Variants in MAPKBP1 observed in about 807,000 individuals in gnomAD.
The protein encoded by MAPKBP1 is mitogen-activated protein kinase binding protein 1, also known as mitogen-activated protein kinase-binding protein 1.
MAPKBP1 carries 71 observed loss-of-function variants against 170.5 expected under a neutral mutation model. The observed-to-expected ratio is 0.42, with a 90% CI of 0.34 to 0.51. The LOEUF is 0.51. MAPKBP1 is among the 20% of genes least tolerant of loss of function. The pLI, the probability that MAPKBP1 is intolerant of heterozygous loss-of-function variation, is 0.06. For synonymous variants in MAPKBP1, 719 were observed against 757.9 expected, an observed-to-expected ratio of 0.95 and a Z score of 0.84; for missense variants, 1,598 against 1,933.0, an observed-to-expected ratio of 0.83 and a Z score of 3.25.
Position 41,816,954 on chromosome 15 carries a change from G to A in MAPKBP1, c.1630G>A (p.Val544Met), listed in dbSNP as rs2152081044. ...GGCGAGCCGGGACCGGCTGATCCAT[G>A]TGCTGGATGCCGGGCGGGAGTACAG... Reference protein sequence around the residue: ...ASASRDRLIHVLDAGREYSLQ... With the variant: ...ASASRDRLIHMLDAGREYSLQ... Residue 544 changes from valine to methionine, a missense_variant, in exon 14 of 31, where the codon GTG becomes ATG. Val to Met is a conservative substitution (Grantham distance 21). Coordinates refer to ENST00000457542, the MANE Select transcript of MAPKBP1 (RefSeq NM_014994.3). The A allele has an allele frequency of 6.2e-7, 1 of 1,612,760 alleles. No homozygotes were observed. Among genetic ancestry groups the A allele is most frequent in the East Asian group, 2.2e-5 (1 of 44,864 alleles).
chr15:41,794,905 C>A (rs1257251854), intron 2 of MAPKBP1, among the ~76,000 whole-genome samples: 2 of 152,138 alleles, frequency 1.3e-5, no homozygotes, highest in Non-Finnish European at 2.9e-5. Context: ...TGGCTCATGC[C>A]TGTGATCCCA....
Position 41,774,985 on chromosome 15 carries a change from G to A in MAPKBP1, c.-109-182G>A, listed in dbSNP as rs1596055587. ...GCGGGCGTGGGCCTGGCATTTCTTC[G>A]TGGCTTAGGATTTTCCCCCCCTTTT... On this transcript the variant is annotated intron_variant, in intron 1 of 30. Coordinates refer to ENST00000457542, the MANE Select transcript of MAPKBP1 (RefSeq NM_014994.3). The A allele has an allele frequency of 1.9e-5, 9 of 481,642 alleles. 1 individual carries two copies. The East Asian group carries it at 2.9e-4, about 16-fold the overall frequency. 29.8% of individuals were successfully genotyped at this position (481,642 alleles called of 1,614,324 possible). A position where few individuals can be genotyped will look rare whatever the true frequency, so the allele number is the denominator to read the frequency against.
chr15:41,776,829 A>G (rs1480134656), intron 2 of MAPKBP1, among the ~76,000 whole-genome samples: 1 of 152,204 alleles, frequency 6.6e-6, no homozygotes, highest in Non-Finnish European at 1.5e-5. Flanking sequence ...AAGACTTCCA[A>G]TATCATCCAT....
chr15:41,781,252 T>C (rs1194933935), intron 2 of MAPKBP1, among the ~76,000 whole-genome samples: 1 of 152,156 alleles, frequency 6.6e-6, no homozygotes, highest in East Asian at 1.9e-4. Context: ...CTTTTTGTTT[T>C]TTCAGTAGAG....
chr15:41,796,521 A>G (rs1340978503), intron 2 of MAPKBP1, among the ~76,000 whole-genome samples: 1 of 152,194 alleles, frequency 6.6e-6, no homozygotes, highest in Non-Finnish European at 1.5e-5. Context: ...GGTTTGAGTT[A>G]AGAACATAAA....
Position 41,817,923 on chromosome 15 carries a change from C to A in MAPKBP1, c.1905-86C>A. On this transcript the variant is annotated intron_variant, in intron 16 of 30. Coordinates refer to ENST00000457542, the MANE Select transcript of MAPKBP1 (RefSeq NM_014994.3). This position sits in a 1 kb window ranked among gnomAD's most constrained non-coding sequence, Gnocchi z 4.2. ...GGGGGTAGCTCCCAGAGAGTGTAGACTGGGAGTGAAAGCTGGCATTTCCAT... is the reference window on the plus strand; with the variant it reads ...GGGGGTAGCTCCCAGAGAGTGTAGAATGGGAGTGAAAGCTGGCATTTCCAT... The A allele has an allele frequency of 6.5e-7, 1 of 1,531,188 alleles. No homozygotes were observed. The allele number at this position is 1,531,188 out of a possible 1,614,324, so 94.9% of individuals were successfully genotyped here. A position where few individuals can be genotyped will look rare whatever the true frequency, so the allele number is the denominator to read the frequency against.
At chr15:41,816,343 C>A in intron 12 of MAPKBP1, 1 of 551,370 alleles carries the variant, frequency 1.8e-6, no homozygotes, top group South Asian at 2.6e-5. Context: ...CATAAATTTC[C>A]TAGTTTTGAT....
In MAPKBP1 at chr15:41,825,505, C is replaced by A. The variant is rs1464094047; in HGVS notation, c.*69C>A. 2.2e-6 allele frequency: 3 copies of A among 1,388,074 alleles called. No individual in the cohort carries two copies. The highest frequency in any genetic ancestry group is 2.6e-5 in the East Asian group (1 of 39,062). 86.0% of individuals were successfully genotyped at this position (1,388,074 alleles called of 1,614,324 possible). ...CAAACTGCAGCCCCTCTGCCCCTCA[C>A]CAAAACCTGCGGGGCTGCTTGGAGT... On this transcript the variant is annotated 3_prime_UTR_variant, in exon 31 of 31. Transcript: ENST00000457542.
At position 41,818,955 on chromosome 15, in the gene MAPKBP1, C is replaced by A. The variant is rs753204423; in HGVS notation, c.2289C>A (p.Asn763Lys). 2 of 1,613,976 alleles carry A rather than the reference C, an allele frequency of 1.2e-6. No individual in the cohort carries two copies. The highest frequency in any genetic ancestry group is 2.7e-5 in the African/African-American group (2 of 75,042). The change falls in exon 20 of 31, where the codon AAC (asparagine) becomes AAA (lysine). Residue 763 changes from asparagine to lysine, a missense_variant and splice_region_variant. By Grantham distance (94) the Asn-to-Lys change is moderately conservative. Transcript: ENST00000457542. The surrounding 1 kb of genome is among the most constrained non-coding windows in gnomAD (Gnocchi z 5.2). ...CTCCCCAAAGGGCTTCTGGACCCAA[C>A]CGGTGAGAACAGAATGTGGGCAAGT... The part of the protein sequence containing the change: ...PSSPQRASGP[N>K]RHQAPSMLSP...
chr15:41,822,667 C>T lies in MAPKBP1; in HGVS notation c.3304C>T (p.Arg1102Cys), dbSNP rs141086610. The T allele has an allele frequency of 8.4e-5, 135 of 1,613,948 alleles. No individual in the cohort carries two copies. In the African/African-American group the frequency reaches 1.4e-3, roughly 16 times the overall value. The change falls in exon 27 of 31, where the codon CGC (arginine) becomes TGC (cysteine). Residue 1102 changes from arginine to cysteine, a missense_variant. Coordinates refer to ENST00000457542, the MANE Select transcript of MAPKBP1 (RefSeq NM_014994.3). ...SSRFLLQVQTRPLREPSPSSS... is the reference protein window; with the variant it reads ...SSRFLLQVQTCPLREPSPSSS... Reference sequence around the variant, plus strand: ...ACGATTCCTGTTGCAAGTACAGACCCGCCCACTCAGGTACAGAGGCCCCCT... The same window carrying T: ...ACGATTCCTGTTGCAAGTACAGACCTGCCCACTCAGGTACAGAGGCCCCCT...
In MAPKBP1 at chr15:41,823,994, A is replaced by C. The variant is rs2152085123; in HGVS notation, c.4146A>C (p.Pro1382=). 6.2e-7 allele frequency: 1 copy of C among 1,611,974 alleles called. No homozygotes were observed. Among genetic ancestry groups the C allele is most frequent in the Non-Finnish European group, 8.5e-7 (1 of 1,179,760 alleles). The change falls in exon 29 of 31, where the codon CCA becomes CCC. Residue 1382 remains proline, a synonymous_variant. Transcript: ENST00000457542. ...AAGGCCCTGAAAACTTGCAGCCCCC[A>C]CCCCCTGAGAAGACTCCCAACCCCA... ...LFQGPENLQP[P]PPEKTPNPME...
At chr15:41,805,492 C>T (rs922443593) in intron 3 of MAPKBP1, among the ~76,000 whole-genome samples, 1 of 152,202 alleles carries the variant, frequency 6.6e-6, no homozygotes, top group Non-Finnish European at 1.5e-5. Context: ...GAGTGCCCTG[C>T]GCACAGCTGC....
chr15:41,819,794 G>C (rs139463604), intron 22 of MAPKBP1, 144 bp downstream of exon 22: 4 of 861,280 alleles, frequency 4.6e-6, no homozygotes, highest in Non-Finnish European at 7.0e-6. Context: ...AGGCCTTGTC[G>C]GGGAAGTTGA....
chr15:41,777,812 G>A (rs1351845911), intron 2 of MAPKBP1, among the ~76,000 whole-genome samples: 2 of 152,208 alleles, frequency 1.3e-5, no homozygotes, highest in African/African-American at 2.4e-5. Context: ...GTGATTCATG[G>A]ATAGCTAATT....
intron 2 of MAPKBP1, among the ~76,000 whole-genome samples, chr15:41,784,041 C>T (rs2064237730): frequency 1.3e-5 from 2 of 152,150 alleles, no homozygotes; most frequent in East Asian, 1.9e-4. Context: ...TGCACCTCTA[C>T]GCTACTGCTT....
intron 2 of MAPKBP1, among the ~76,000 whole-genome samples, chr15:41,784,153 C>T (rs1469638352): frequency 6.6e-6 from 1 of 152,196 alleles, no homozygotes; most frequent in Non-Finnish European, 1.5e-5. Context: ...TGAGAGGGCA[C>T]AGTATCTTTG....
rs1567156368 is a variant in MAPKBP1 at position 41,822,686 on chromosome 15, G to A, written c.3314+9G>A. The A allele has an allele frequency of 6.2e-7, 1 of 1,613,806 alleles. No individual in the cohort carries two copies. The highest frequency in any genetic ancestry group is 8.5e-7 in the Non-Finnish European group (1 of 1,179,818). ...CAGACCCGCCCACTCAGGTACAGAGGCCCCCTACCCCCCAGCAGCAGCTCT... is the reference window on the plus strand; with the variant it reads ...CAGACCCGCCCACTCAGGTACAGAGACCCCCTACCCCCCAGCAGCAGCTCT... On this transcript the variant is annotated intron_variant, in intron 27 of 30. Transcript: ENST00000457542.
chr15:41,822,771 C>T (rs948753414), intron 27 of MAPKBP1, 94 bp downstream of exon 27: 13 of 1,508,522 alleles, frequency 8.6e-6, no homozygotes, highest in Admixed American at 1.7e-5. Flanking sequence ...TCTCTCCATG[C>T]GCGGGGTGTT....
chr15:41,786,777 A>AAAAAATATATATATATATATATATAT, intron 2 of MAPKBP1, among the ~76,000 whole-genome samples: 19 of 32,390 alleles, frequency 5.9e-4, no homozygotes, highest in African/African-American at 1.3e-3. Flanking sequence ...AAAAAAAAAA[A>AAAAAATATATATATATATATATATAT]ATATATATAT....
Sources: gnomAD v4.1 joint callset for allele counts (sites outside exome capture counted in the v4.1 genomes callset) on GRCh38, gnomAD v4.1.1 for gene constraint, Gnocchi (gnomAD v3.1) non-coding constraint, MANE v1.5 for transcripts, NCBI Gene and HGNC (gene_info 2026-07-23, HGNC 2026-07-21) for gene names.